Variants in C5orf46 observed in about 807,000 individuals in gnomAD.
The protein encoded by C5orf46 is chromosome 5 open reading frame 46.
C5orf46 carries 9 observed loss-of-function variants against 8.9 expected under a neutral mutation model. The observed-to-expected ratio is 1.01, with a 90% CI of 0.61 to 1.76. The LOEUF (loss-of-function observed/expected upper bound fraction) is 1.76. Among genes scored for constraint, C5orf46 ranks in the 40% most tolerant of loss-of-function variants. C5orf46 has a pLI of 0.00. For missense variants in C5orf46, 98 were observed against 107.8 expected (o/e 0.91, Z 0.40); for synonymous variants, 47 against 41.4 (o/e 1.14, Z -0.52).
chr5:147,886,251 CTG>C (rs1238893290), intron 2 of C5orf46: 2 of 151,976 alleles, frequency 1.3e-5, no homozygotes, highest in East Asian at 3.9e-4. Context: ...CAGAAATATT[CTG>C]TGTTTTACCT....
At chr5:147,896,286 A>G (rs1153084) in intron 3 of C5orf46, among the ~76,000 whole-genome samples, 122,712 of 152,028 alleles carry the variant, frequency 0.81, 49,923 homozygotes, top group East Asian at 0.9. Flanking sequence ...ACCTCCCTGA[A>G]CCTTCATTTC....
intron 2 of C5orf46, chr5:147,886,407 T>C (rs1207203914): frequency 6.6e-6 from 1 of 151,862 alleles, no homozygotes; most frequent in East Asian, 1.9e-4. Context: ...TCTTAAAAAG[T>C]TTAAAAATTA....
At chr5:147,891,386 G>C (rs1450929764), downstream of C5orf46, among the ~76,000 whole-genome samples, 3 of 152,082 alleles carry the variant, frequency 2.0e-5, no homozygotes, top group Non-Finnish European at 2.9e-5. Context: ...ATGAAGGGGA[G>C]GAAGAGGAAA....
At chr5:147,894,919 C>T (rs10477354) in intron 3 of C5orf46, among the ~76,000 whole-genome samples, 5,227 of 151,706 alleles carry the variant, frequency 0.034, 293 homozygotes, top group African/African-American at 0.12. Context: ...AAAAATTAGC[C>T]GGGTGTGGTG....
intron 3 of C5orf46, among the ~76,000 whole-genome samples, chr5:147,895,629 G>T (rs1008652548): frequency 6.6e-6 from 1 of 152,128 alleles, no homozygotes; most frequent in Non-Finnish European, 1.5e-5. Flanking sequence ...TCATAGACCA[G>T]ACCTGTAGGA....
In C5orf46 at chr5:147,897,221, A is replaced by G. The variant is rs964190810; in HGVS notation, c.216-180T>C. On this transcript the variant is annotated intron_variant, in intron 2 of 3. Transcript: ENST00000318315. The stretch of plus-strand genomic sequence containing the variant: ...ATAGTGGGCAAGTAATTTATGCATA[A>G]TTATCTTTTTTGCATCTGCCAACAA... Among the ~76,000 whole-genome samples, 7 of 152,278 alleles carry G rather than the reference A, an allele frequency of 4.6e-5. 1 individual carries two copies.
intron 1 of C5orf46, 117 bp from the exon 2 acceptor site, chr5:147,901,890 T>G (rs1757677625): frequency 1.9e-6 from 2 of 1,041,388 alleles, no homozygotes; most frequent in Non-Finnish European, 2.8e-6. Flanking sequence ...TAGCCTTATA[T>G]GGTTATATTC....
At chr5:147,891,080 T>G (rs1757496798), downstream of C5orf46, among the ~76,000 whole-genome samples, 1 of 152,178 alleles carries the variant, frequency 6.6e-6, no homozygotes. Context: ...AATTCTCTGC[T>G]GGGAGTTAGA....
At chr5:147,901,485 G>A in intron 2 of C5orf46, 144 bp downstream of exon 2, 1 of 703,922 alleles carries the variant, frequency 1.4e-6, no homozygotes, top group East Asian at 2.9e-5. Context: ...TATATTTTAA[G>A]TAGGGCAACA....
downstream of C5orf46, among the ~76,000 whole-genome samples, chr5:147,892,303 C>T (rs925844235): frequency 1.3e-5 from 2 of 152,190 alleles, no homozygotes; most frequent in Non-Finnish European, 2.9e-5. Flanking sequence ...ACTCTTCCAT[C>T]CCTGACACTG....
At chr5:147,898,706 A>G (rs1757620702) in intron 2 of C5orf46, among the ~76,000 whole-genome samples, 6 of 152,172 alleles carry the variant, frequency 3.9e-5, no homozygotes, top group Admixed American at 3.9e-4. Context: ...AGAATGAGAA[A>G]GAATGGCTAG....
downstream of C5orf46, among the ~76,000 whole-genome samples, chr5:147,892,282 A>G (rs1448052801): frequency 6.6e-6 from 1 of 152,214 alleles, no homozygotes; most frequent in Non-Finnish European, 1.5e-5. Context: ...CTGCAACTAA[A>G]CATTTCAATG....
At chr5:147,887,604 G>T in intron 2 of C5orf46, 1 of 152,086 alleles carries the variant, frequency 6.6e-6, no homozygotes, top group East Asian at 1.9e-4. Context: ...GTAATAAATT[G>T]TCATGACCCA....
At chr5:147,902,598 G>A (rs902457802) in intron 1 of C5orf46, among the ~76,000 whole-genome samples, 5 of 152,184 alleles carry the variant, frequency 3.3e-5, no homozygotes, top group Non-Finnish European at 7.3e-5. Flanking sequence ...TAAAGGTAAA[G>A]TAATATAATT....
chr5:147,905,370 T>C (rs1757735198), intron 1 of C5orf46, among the ~76,000 whole-genome samples: 1 of 152,238 alleles, frequency 6.6e-6, no homozygotes, highest in African/African-American at 2.4e-5. Flanking sequence ...TTAACCAGTT[T>C]CAGAGTTTAT....
At chr5:147,902,865 G>A (rs1425179268) in intron 1 of C5orf46, among the ~76,000 whole-genome samples, 1 of 152,140 alleles carries the variant, frequency 6.6e-6, no homozygotes, top group Non-Finnish European at 1.5e-5. Flanking sequence ...TACAAATGTT[G>A]TGTAATTTTA....
chr5:147,904,105 CA>C (rs1398518355), intron 1 of C5orf46, among the ~76,000 whole-genome samples: 5 of 151,448 alleles, frequency 3.3e-5, no homozygotes, highest in Non-Finnish European at 5.9e-5. Flanking sequence ...AAAAAAAAGA[CA>C]ACTGTAGATA....
downstream of C5orf46, among the ~76,000 whole-genome samples, chr5:147,891,658 G>A (rs1757504508): frequency 6.6e-6 from 1 of 152,162 alleles, no homozygotes; most frequent in Non-Finnish European, 1.5e-5. Flanking sequence ...ACAAATCAGT[G>A]AGTCAACATT....
In C5orf46 at chr5:147,901,640, C is replaced by T. The variant is rs1757670842; in HGVS notation, c.204G>A (p.Met68Ile). Reference protein sequence around the residue: ...ENAVEFILRSMSRSTGFMEFD... With the variant: ...ENAVEFILRSISRSTGFMEFD... ...TTCTCAGTGCTTACGTGCTCCTGGA[C>T]ATGGAGCGGAGGATGAACTCGACTG... is the stretch of plus-strand genomic sequence containing the variant. The change falls in exon 2 of 4, where the codon ATG (methionine) becomes ATA (isoleucine). Residue 68 changes from methionine to isoleucine, a missense_variant. Transcript: ENST00000318315. The T allele has an allele frequency of 6.2e-7, 1 of 1,613,796 alleles. No individual in the cohort carries two copies. The highest frequency in any genetic ancestry group is 2.2e-5 in the East Asian group (1 of 44,878).
Sources: allele counts gnomAD v4.1 joint callset (sites outside exome capture counted in the v4.1 genomes callset), GRCh38; gene constraint gnomAD v4.1.1; transcripts MANE v1.5; gene names NCBI Gene and HGNC (gene_info 2026-07-23, HGNC 2026-07-21).